SYT16: variants seen among roughly 807,000 people sequenced by gnomAD.
SYT16 encodes synaptotagmin 16.
SYT16 carries 42 observed loss-of-function variants against 61.4 expected under a neutral mutation model. The observed-to-expected ratio is 0.68, with a 90% CI of 0.53 to 0.89. The LOEUF is 0.89. SYT16 is among the 40% of genes least tolerant of loss of function. The pLI, the probability that SYT16 is intolerant of heterozygous loss-of-function variation, is 0.00. For synonymous variants in SYT16, 314 were observed against 302.3 expected, an observed-to-expected ratio of 1.04 and a Z score of -0.40; for missense variants, 804 against 807.3, an observed-to-expected ratio of 1.00 and a Z score of 0.05.
At chr14:61,929,249 C>A (rs146641017) in intron 1 of SYT16, among the ~76,000 whole-genome samples, 10 of 152,196 alleles carry the variant, frequency 6.6e-5, no homozygotes, top group Non-Finnish European at 1.0e-4. Context: ...ACTAACCCCT[C>A]AGGTTTGGCC....
intron 7 of SYT16, among the ~76,000 whole-genome samples, chr14:62,092,212 AC>A (rs1292746752): frequency 1.1e-4 from 14 of 129,724 alleles, no homozygotes; most frequent in African/African-American, 3.8e-4. Context: ...ACACACACAC[AC>A]ACACACACAC....
chr14:62,003,180 A>G (rs919266796), intron 3 of SYT16, among the ~76,000 whole-genome samples: 1 of 152,040 alleles, frequency 6.6e-6, no homozygotes, highest in African/African-American at 2.4e-5. Context: ...TGGAAATTCA[A>G]GAGCAGAATC....
chr14:61,914,327 G>T (rs1036531408), intron 1 of SYT16, among the ~76,000 whole-genome samples: 4 of 152,118 alleles, frequency 2.6e-5, no homozygotes, highest in Admixed American at 2.6e-4. Context: ...TGAAGCAAAA[G>T]CTCCACATGT....
chr14:62,013,935 G>A (rs2053565617), intron 3 of SYT16, among the ~76,000 whole-genome samples: 1 of 151,418 alleles, frequency 6.6e-6, no homozygotes, highest in African/African-American at 2.4e-5. Context: ...CTGCACTCCA[G>A]CCTGCGCAAC....
intron 1 of SYT16, among the ~76,000 whole-genome samples, chr14:61,915,404 A>G (rs1248434491): frequency 6.6e-6 from 1 of 152,186 alleles, no homozygotes; most frequent in Non-Finnish European, 1.5e-5. Context: ...CTAGAAACAT[A>G]ATATAAAATT....
At chr14:62,001,656 G>T (rs924292950) in intron 3 of SYT16, among the ~76,000 whole-genome samples, 4 of 151,908 alleles carry the variant, frequency 2.6e-5, no homozygotes, top group Non-Finnish European at 5.9e-5. Context: ...AAGTTTTGGT[G>T]ATCATGTCTT....
Position 62,100,908 on chromosome 14 carries a change from G to A in SYT16, c.*201G>A, listed in dbSNP as rs1316303088. The A allele has an allele frequency of 1.9e-5, 11 of 564,140 alleles. No individual in the cohort carries two copies. In the East Asian group the frequency reaches 3.0e-4, roughly 15 times the overall value. The allele number at this position is 564,140 out of a possible 1,614,324, so 34.9% of individuals were successfully genotyped here. A position where few individuals can be genotyped will look rare whatever the true frequency, so the allele number is the denominator to read the frequency against. On this transcript the variant is annotated 3_prime_UTR_variant, in exon 8 of 8. Coordinates refer to ENST00000683842, the MANE Select transcript of SYT16 (RefSeq NM_001367656.1). Reference sequence around the variant, plus strand: ...GTAATTTTAAAAACACACATACACAGTGAAGTGTCCGTATGGAAAATATTA... The same window carrying A: ...GTAATTTTAAAAACACACATACACAATGAAGTGTCCGTATGGAAAATATTA...
At chr14:62,083,270 T>A (rs763674990) in intron 6 of SYT16, among the ~76,000 whole-genome samples, 6 of 152,222 alleles carry the variant, frequency 3.9e-5, no homozygotes, top group Non-Finnish European at 7.3e-5. Context: ...GTCAGAAATT[T>A]GAAGAAATGA....
intron 1 of SYT16, among the ~76,000 whole-genome samples, chr14:61,894,968 C>G (rs2048275115): frequency 6.6e-6 from 1 of 152,174 alleles, no homozygotes; most frequent in Non-Finnish European, 1.5e-5. Flanking sequence ...AACACTGTCT[C>G]AAAGCATTGG....
At chr14:61,919,583 G>A (rs567541702) in intron 1 of SYT16, among the ~76,000 whole-genome samples, 6 of 152,296 alleles carry the variant, frequency 3.9e-5, no homozygotes, top group East Asian at 3.9e-4. Flanking sequence ...AGTGGGTTGA[G>A]TTCTCATGCT....
chr14:62,040,151 CATA>C (rs571567076), intron 3 of SYT16, among the ~76,000 whole-genome samples: 262 of 152,160 alleles, frequency 1.7e-3, no homozygotes, highest in Admixed American at 4.8e-3. Flanking sequence ...GAAGCTTGCT[CATA>C]ATATTTCCAG....
At chr14:62,034,546 T>C (rs928725565) in intron 3 of SYT16, among the ~76,000 whole-genome samples, 1 of 152,192 alleles carries the variant, frequency 6.6e-6, no homozygotes, top group African/African-American at 2.4e-5. Context: ...TACTGACATA[T>C]GCTACAACAT....
intron 1 of SYT16, among the ~76,000 whole-genome samples, chr14:61,846,173 A>G (rs1235412428): frequency 1.3e-5 from 2 of 152,186 alleles, no homozygotes; most frequent in South Asian, 2.1e-4. Context: ...CATTTGGTCT[A>G]TAGTGCAGAT....
chr14:61,989,333 C>T (rs902294267), intron 2 of SYT16, among the ~76,000 whole-genome samples: 5 of 152,000 alleles, frequency 3.3e-5, no homozygotes, highest in Admixed American at 1.3e-4. Context: ...GAGGTTGAGG[C>T]GGGTGGATAA....
At chr14:62,064,710 C>G (rs564460359) in intron 3 of SYT16, among the ~76,000 whole-genome samples, 35 of 152,262 alleles carry the variant, frequency 2.3e-4, no homozygotes, top group Admixed American at 5.2e-4. Context: ...TGCTTATAAA[C>G]TGTTATGACT....
intron 1 of SYT16, among the ~76,000 whole-genome samples, chr14:61,886,959 G>A (rs1368960775): frequency 1.5e-5 from 2 of 136,510 alleles, no homozygotes; most frequent in Non-Finnish European, 3.0e-5. Context: ...GGCAGGTCTC[G>A]AACTCCTGGG....
chr14:62,085,066 G>A (rs1192354727), intron 7 of SYT16, among the ~76,000 whole-genome samples: 1 of 152,170 alleles, frequency 6.6e-6, no homozygotes, highest in Non-Finnish European at 1.5e-5. Flanking sequence ...GGAAAGAGGG[G>A]TTCAAGGTAT....
chr14:61,913,327 T>A (rs2049001879), intron 1 of SYT16, among the ~76,000 whole-genome samples: 1 of 152,162 alleles, frequency 6.6e-6, no homozygotes, highest in Non-Finnish European at 1.5e-5. Flanking sequence ...GTTCTGGAAA[T>A]ACAGTTTGCT....
chr14:61,835,464 T>C (rs1354373908), intron 1 of SYT16, among the ~76,000 whole-genome samples: 1 of 151,922 alleles, frequency 6.6e-6, no homozygotes, highest in Non-Finnish European at 1.5e-5. Context: ...TTCATTATGT[T>C]GGCCAGGCTG....
Sources: allele counts gnomAD v4.1 joint callset (sites outside exome capture counted in the v4.1 genomes callset), GRCh38; gene constraint gnomAD v4.1.1; transcripts MANE v1.5; gene names NCBI Gene and HGNC (gene_info 2026-07-23, HGNC 2026-07-21).